PDE4D: variants seen among roughly 807,000 people sequenced by gnomAD.
The protein encoded by PDE4D is phosphodiesterase 4D.
A neutral mutation model predicts 87.4 loss-of-function variants in PDE4D; 24 were observed. That is an observed-to-expected ratio of 0.27 (90% confidence interval 0.20 to 0.39). The LOEUF (loss-of-function observed/expected upper bound fraction) is 0.39. Ranked by LOEUF, PDE4D falls within the 10% of genes least tolerant of loss-of-function variation. The pLI is 1.00. For synonymous variants in PDE4D, 384 were observed against 383.2 expected (o/e 1.00, Z -0.02); for missense variants, 714 against 1,041.0 (o/e 0.69, Z 4.32).
At chr5:59,450,872 C>T (rs1031547660) in intron 1 of PDE4D, among the ~76,000 whole-genome samples, 1 of 152,112 alleles carries the variant, frequency 6.6e-6, no homozygotes, top group African/African-American at 2.4e-5. Context: ...TCCATTTTTC[C>T]CTTACTCTTT....
chr5:59,418,365 G>GT (rs1282109881), intron 1 of PDE4D, among the ~76,000 whole-genome samples: 11 of 151,766 alleles, frequency 7.2e-5, no homozygotes, highest in Admixed American at 5.9e-4. Flanking sequence ...TTCTATAAAC[G>GT]TTCATGTATT....
chr5:59,250,561 A>G (rs527746611), intron 1 of PDE4D, among the ~76,000 whole-genome samples: 1 of 152,112 alleles, frequency 6.6e-6, no homozygotes, highest in East Asian at 1.9e-4. Context: ...TTGAATATAA[A>G]TATTTTGTAG....
intron 1 of PDE4D, among the ~76,000 whole-genome samples, chr5:60,236,438 C>T (rs1236376558): frequency 6.6e-6 from 1 of 151,770 alleles, no homozygotes; most frequent in African/African-American, 2.4e-5. Flanking sequence ...GGCAAAAAGA[C>T]ATAGACATTT....
At chr5:59,551,620 T>A (rs1454068015) in intron 1 of PDE4D, among the ~76,000 whole-genome samples, 1 of 152,130 alleles carries the variant, frequency 6.6e-6, no homozygotes, top group Non-Finnish European at 1.5e-5. Context: ...TTACTGTAAT[T>A]TTTATGATAT....
chr5:59,080,987 T>C (rs1766636859), intron 5 of PDE4D, among the ~76,000 whole-genome samples: 1 of 152,220 alleles, frequency 6.6e-6, no homozygotes, highest in Non-Finnish European at 1.5e-5. Flanking sequence ...CCCAAGTTTA[T>C]GTTTTAGACA....
At chr5:60,171,921 G>C (rs1470530284) in intron 2 of PDE4D, among the ~76,000 whole-genome samples, 1 of 151,420 alleles carries the variant, frequency 6.6e-6, no homozygotes, top group East Asian at 1.9e-4. Flanking sequence ...ATAAAATTTT[G>C]AGACTTTTTC....
chr5:59,813,703 A>T (rs1486616007), intron 1 of PDE4D, among the ~76,000 whole-genome samples: 2 of 152,214 alleles, frequency 1.3e-5, no homozygotes, highest in Non-Finnish European at 2.9e-5. Context: ...TGGGAAAAAA[A>T]CTCAGGCCTG....
At chr5:60,111,172 C>T (rs1311494348) in intron 2 of PDE4D, among the ~76,000 whole-genome samples, 1 of 151,876 alleles carries the variant, frequency 6.6e-6, no homozygotes, top group East Asian at 1.9e-4. Context: ...ATGTTCAAAA[C>T]ACAAAGAAAT....
intron 3 of PDE4D, among the ~76,000 whole-genome samples, chr5:59,900,218 C>A (rs1226557274): frequency 7.1e-6 from 1 of 141,688 alleles, no homozygotes; most frequent in African/African-American, 2.6e-5. Flanking sequence ...CTAACCCAGG[C>A]AATAGAGCAA....
At chr5:60,501,245 G>A (rs1202342604) in intron 1 of PDE4D, among the ~76,000 whole-genome samples, 1 of 152,008 alleles carries the variant, frequency 6.6e-6, no homozygotes. Context: ...GTAAGAATAT[G>A]AGGTGTTTGG....
intron 1 of PDE4D, among the ~76,000 whole-genome samples, chr5:60,507,682 A>G (rs777343363): frequency 2.0e-5 from 3 of 152,120 alleles, no homozygotes; most frequent in Non-Finnish European, 2.9e-5. Flanking sequence ...ATTGATAGGG[A>G]TACAAAATAC....
intron 1 of PDE4D, among the ~76,000 whole-genome samples, chr5:59,804,549 C>A (rs997855252): frequency 3.3e-5 from 5 of 152,186 alleles, no homozygotes; most frequent in Admixed American, 3.3e-4. Context: ...TAAACCCTAA[C>A]TTTTAATGTT....
chr5:59,629,947 C>T (rs1182661138), intron 1 of PDE4D, among the ~76,000 whole-genome samples: 2 of 152,128 alleles, frequency 1.3e-5, no homozygotes, highest in African/African-American at 2.4e-5. Flanking sequence ...TATCTAAATA[C>T]ACTCACATCT....
At chr5:60,298,163 G>T (rs1583338142) in intron 1 of PDE4D, among the ~76,000 whole-genome samples, 1 of 147,316 alleles carries the variant, frequency 6.8e-6, no homozygotes, top group South Asian at 2.2e-4. Flanking sequence ...AAAAAAAAAA[G>T]ATTACAGGAA....
intron 2 of PDE4D, chr5:60,032,872 T>C (rs1205100800): frequency 6.6e-6 from 1 of 152,226 alleles, no homozygotes; most frequent in Non-Finnish European, 1.5e-5. Context: ...TACATTCATC[T>C]TGGAAATCCA....
At chr5:60,220,653 A>G (rs1583118910) in intron 1 of PDE4D, among the ~76,000 whole-genome samples, 1 of 152,150 alleles carries the variant, frequency 6.6e-6, no homozygotes, top group East Asian at 1.9e-4. Context: ...TTTGTTTGCC[A>G]TGCCATGAAC....
At chr5:59,417,655 C>G (rs1438766193) in intron 1 of PDE4D, among the ~76,000 whole-genome samples, 1 of 151,892 alleles carries the variant, frequency 6.6e-6, no homozygotes, top group East Asian at 1.9e-4. Flanking sequence ...AGTACTAGTA[C>G]TATTTTTTGT....
chr5:59,832,190 G>A (rs563702894), intron 1 of PDE4D, among the ~76,000 whole-genome samples: 18 of 152,018 alleles, frequency 1.2e-4, no homozygotes, highest in Non-Finnish European at 2.1e-4. Flanking sequence ...GGCCATTTGT[G>A]GCTTTTGCTC....
intron 1 of PDE4D, among the ~76,000 whole-genome samples, chr5:59,866,325 CAGA>C (rs1197443998): frequency 6.6e-6 from 1 of 152,104 alleles, no homozygotes; most frequent in Non-Finnish European, 1.5e-5. Flanking sequence ...ATATTAAAAC[CAGA>C]AGATCACATT....
Sources: allele counts gnomAD v4.1 joint callset (sites outside exome capture counted in the v4.1 genomes callset), GRCh38; gene constraint gnomAD v4.1.1; transcripts MANE v1.5; gene names NCBI Gene and HGNC (gene_info 2026-07-23, HGNC 2026-07-21).